The following PIGH variants were observed in gnomAD, a reference collection of about 807,000 sequenced individuals.
The protein encoded by PIGH is phosphatidylinositol glycan anchor biosynthesis class H, also known as phosphatidylinositol N-acetylglucosaminyltransferase subunit H.
PIGH carries 11 observed loss-of-function variants against 20.1 expected under a neutral mutation model. The ratio of observed to expected loss-of-function variants is 0.55; its 90% CI spans 0.34 to 0.91. The LOEUF (loss-of-function observed/expected upper bound fraction) is 0.91, where lower values mean the gene tolerates loss of function less well. Ranked by LOEUF, PIGH falls within the 40% of genes least tolerant of loss-of-function variation. The pLI is 0.02. For missense variants in PIGH, 189 were observed against 233.6 expected (o/e 0.81, Z 1.24); for synonymous variants, 72 against 93.1 (o/e 0.77, Z 1.31).
chr14:67,595,922 C>T (rs2036465827), intron 1 of PIGH, among the ~76,000 whole-genome samples: 1 of 152,162 alleles, frequency 6.6e-6, no homozygotes, highest in Non-Finnish European at 1.5e-5. Flanking sequence ...ATAAAAGGTC[C>T]TTATCTCTTA....
intron 1 of PIGH, among the ~76,000 whole-genome samples, chr14:67,595,575 T>C (rs767746778): frequency 5.3e-5 from 8 of 152,236 alleles, no homozygotes; most frequent in Admixed American, 1.3e-4. Context: ...AAAATTGGCA[T>C]GTGACACAAC....
At chr14:67,596,369 G>A (rs1171760178) in intron 1 of PIGH, among the ~76,000 whole-genome samples, 5 of 129,756 alleles carry the variant, frequency 3.9e-5, no homozygotes, top group African/African-American at 1.4e-4. Context: ...TCGAACTCCT[G>A]ACCTCAGGCA....
intron 1 of PIGH, among the ~76,000 whole-genome samples, chr14:67,598,762 T>A (rs1594811562): frequency 6.7e-6 from 1 of 149,160 alleles, no homozygotes; most frequent in African/African-American, 2.5e-5. Context: ...CAGGCTGGAG[T>A]GCAGTGGCGT....
intron 1 of PIGH, among the ~76,000 whole-genome samples, chr14:67,597,041 A>G (rs2036488072): frequency 6.6e-6 from 1 of 152,192 alleles, no homozygotes; most frequent in Non-Finnish European, 1.5e-5. Flanking sequence ...TCTGTAAACT[A>G]TTTGGGCCTG....
At chr14:67,599,959 C>T in intron 1 of PIGH, 65 bp downstream of exon 1, 1 of 1,403,718 alleles carries the variant, frequency 7.1e-7, no homozygotes, top group East Asian at 2.6e-5. Flanking sequence ...GACCAAAGAC[C>T]CCAAAGACCC....
intron 2 of PIGH, among the ~76,000 whole-genome samples, chr14:67,593,020 T>C (rs1160100710): frequency 6.6e-6 from 1 of 152,036 alleles, no homozygotes; most frequent in Non-Finnish European, 1.5e-5. Flanking sequence ...CTCCCGACCT[T>C]AGGTGATCCG....
intron 1 of PIGH, among the ~76,000 whole-genome samples, chr14:67,597,248 T>TG (rs1353654150): frequency 2.0e-5 from 3 of 152,160 alleles, no homozygotes; most frequent in African/African-American, 7.2e-5. Flanking sequence ...GAGGCCAACA[T>TG]GGGGGGATCG....
intron 1 of PIGH, among the ~76,000 whole-genome samples, chr14:67,596,209 A>G (rs978996937): frequency 6.8e-6 from 1 of 146,500 alleles, no homozygotes; most frequent in Admixed American, 6.9e-5. Flanking sequence ...GTTCACTGCA[A>G]CCTCCACCTC....
chr14:67,595,631 G>A (rs1280078076), intron 1 of PIGH, among the ~76,000 whole-genome samples: 1 of 152,188 alleles, frequency 6.6e-6, no homozygotes, highest in East Asian at 1.9e-4. Flanking sequence ...GGGGCTTCTG[G>A]AAAACTTGAG....
At chr14:67,594,272 C>A (rs1231599427) in intron 1 of PIGH, among the ~76,000 whole-genome samples, 1 of 152,054 alleles carries the variant, frequency 6.6e-6, no homozygotes, top group Admixed American at 6.6e-5. Context: ...TCGTTTGAGC[C>A]CAGGAGTTCG....
chr14:67,600,222 C>A lies in PIGH; in HGVS notation c.-19G>T. ...CCTCCATGACGCCCCCACTCGGCCGCCCGCACCGCGCGGCGCTGCACTGCG... is the reference window on the plus strand; with the variant it reads ...CCTCCATGACGCCCCCACTCGGCCGACCGCACCGCGCGGCGCTGCACTGCG... On this transcript the variant is annotated 5_prime_UTR_variant, in exon 1 of 4. Transcript: ENST00000216452. 2 of 1,552,260 alleles carry A rather than the reference C, an allele frequency of 1.3e-6. No individual in the cohort carries two copies. Among genetic ancestry groups the A allele is most frequent in the South Asian group, 1.2e-5 (1 of 84,478 alleles).
intron 1 of PIGH, among the ~76,000 whole-genome samples, chr14:67,597,289 G>A (rs891410268): frequency 6.6e-6 from 1 of 152,184 alleles, no homozygotes; most frequent in Admixed American, 6.5e-5. Flanking sequence ...ACCAGCCTGG[G>A]CAACCTAGTG....
At chr14:67,598,060 T>C (rs1455256012) in intron 1 of PIGH, among the ~76,000 whole-genome samples, 1 of 152,200 alleles carries the variant, frequency 6.6e-6, no homozygotes, top group Non-Finnish European at 1.5e-5. Flanking sequence ...TCAACTTCAT[T>C]TTTCTGTGTA....
At position 67,590,365 on chromosome 14, in the gene PIGH, G is replaced by C. The variant is rs1035986610; in HGVS notation, c.475-193C>G. Reference sequence around the variant, plus strand: ...CCTCCCAGGTTCAAGTGATTCTCCTGCTTCAGCCTCCCGAGTAGCTGGGAT... The same window carrying C: ...CCTCCCAGGTTCAAGTGATTCTCCTCCTTCAGCCTCCCGAGTAGCTGGGAT... On this transcript the variant is annotated intron_variant, in intron 3 of 3. Transcript: ENST00000216452. 3.3e-5 allele frequency among the ~76,000 whole-genome samples: 5 copies of C among 150,416 alleles called. No homozygotes were observed. In the East Asian group the frequency reaches 9.8e-4, roughly 29 times the overall value.
At chr14:67,598,902 G>A (rs1395409403) in intron 1 of PIGH, among the ~76,000 whole-genome samples, 2 of 151,072 alleles carry the variant, frequency 1.3e-5, no homozygotes, top group African/African-American at 4.9e-5. Flanking sequence ...TAGAGACGTG[G>A]TTTCACCATG....
In PIGH at chr14:67,593,822, T is replaced by C. The variant is rs1476576498; in HGVS notation, c.311A>G (p.Tyr104Cys). 1.2e-6 allele frequency: 2 copies of C among 1,613,636 alleles called. No homozygotes were observed. Among genetic ancestry groups the C allele is most frequent in the South Asian group, 2.2e-5 (2 of 91,062 alleles). The change falls in exon 2 of 4, where the codon TAT becomes TGT. Residue 104 changes from tyrosine (Y) to cysteine (C), a missense_variant. Coordinates refer to ENST00000216452, the MANE Select transcript of PIGH (RefSeq NM_004569.5). ...DSLGIQMTSS[Y>C]ASGKESTTFI... is the part of the protein sequence containing the mutation. Reference sequence around the variant, plus strand: ...GGTAGTGCTTTCTTTGCCTGAAGCATAAGATGAAGTCATCTGAATGCCAAG... The same window carrying C: ...GGTAGTGCTTTCTTTGCCTGAAGCACAAGATGAAGTCATCTGAATGCCAAG...
intron 2 of PIGH, 59 bp from the exon 3 acceptor site, chr14:67,592,777 T>C (rs1299787937): frequency 9.6e-7 from 1 of 1,043,956 alleles, no homozygotes; most frequent in East Asian, 2.5e-5. Flanking sequence ...CATTCTTTTT[T>C]TCTTTTTCCT....
intron 1 of PIGH, among the ~76,000 whole-genome samples, chr14:67,598,288 G>T (rs1157293982): frequency 6.6e-6 from 1 of 152,152 alleles, no homozygotes; most frequent in Non-Finnish European, 1.5e-5. Flanking sequence ...CTTGATGGGG[G>T]TAAGCAGAGT....
chr14:67,591,477 C>T (rs2140606872), intron 3 of PIGH, among the ~76,000 whole-genome samples: 1 of 152,302 alleles, frequency 6.6e-6, no homozygotes, highest in South Asian at 2.1e-4. Context: ...TAACTGTATA[C>T]ATAAATACAT....
Sources: allele counts gnomAD v4.1 joint callset (sites outside exome capture counted in the v4.1 genomes callset), GRCh38; gene constraint gnomAD v4.1.1; transcripts MANE v1.5; gene names NCBI Gene and HGNC (gene_info 2026-07-23, HGNC 2026-07-21).